Variants in IMMP2L observed in about 807,000 individuals in gnomAD.
IMMP2L encodes mitochondrial inner membrane protease subunit 2.
IMMP2L carries 18 observed loss-of-function variants against 19.3 expected under a neutral mutation model. That is an observed-to-expected ratio of 0.93 (90% CI 0.64 to 1.38). IMMP2L has a LOEUF of 1.38. IMMP2L is among the 40% of genes most tolerant of loss of function. The probability of loss-of-function intolerance (pLI) is 0.00; values close to 1 mark genes in which losing one functional copy is unlikely to be tolerated. For synonymous variants in IMMP2L, 76 were observed against 73.0 expected (o/e 1.04, Z -0.21); for missense variants, 233 against 218.2 (o/e 1.07, Z -0.43).
intron 3 of IMMP2L, among the ~76,000 whole-genome samples, chr7:111,368,924 T>A (rs1013209615): frequency 1.3e-5 from 2 of 151,818 alleles, no homozygotes; most frequent in Non-Finnish European, 2.9e-5. Context: ...TGGTCCTCAT[T>A]TTTTTTAAAT....
intron 5 of IMMP2L, among the ~76,000 whole-genome samples, chr7:110,834,848 C>T (rs1691655616): frequency 6.6e-6 from 1 of 152,146 alleles, no homozygotes; most frequent in Non-Finnish European, 1.5e-5. Context: ...CTCAAACACC[C>T]TGGCCTTTGT....
intron 3 of IMMP2L, among the ~76,000 whole-genome samples, chr7:111,079,911 G>C (rs144472717): frequency 7.9e-5 from 12 of 152,182 alleles, no homozygotes; most frequent in African/African-American, 2.6e-4. Context: ...ACCTGAGCAG[G>C]CATGCTCTTG....
chr7:111,351,141 T>C (rs1336287800), intron 3 of IMMP2L, among the ~76,000 whole-genome samples: 1 of 152,202 alleles, frequency 6.6e-6, no homozygotes, highest in African/African-American at 2.4e-5. Context: ...TTGCATTCTA[T>C]ACCAACCCAT....
rs561874238 is a variant in IMMP2L at position 111,392,006 on chromosome 7, A to T, written c.239+95232T>A. 10 of 702,814 alleles carry T rather than the reference A, an allele frequency of 1.4e-5. No individual in the cohort carries two copies. The South Asian group carries it at 1.5e-4, about 10-fold the overall frequency. 43.5% of individuals were successfully genotyped at this position (702,814 alleles called of 1,614,324 possible). A position where few individuals can be genotyped will look rare whatever the true frequency, so the allele number is the denominator to read the frequency against. ...GTTCAGAAAGTGTCTCCTTGCTTCA[A>T]TGTCCTCTCCTACCTTTGTATATGC... On this transcript the variant is annotated intron_variant, in intron 3 of 5. Transcript: ENST00000405709.
intron 3 of IMMP2L, among the ~76,000 whole-genome samples, chr7:111,480,315 C>T (rs1207438988): frequency 6.6e-6 from 1 of 151,822 alleles, no homozygotes; most frequent in African/African-American, 2.4e-5. Flanking sequence ...CTCCTGACCT[C>T]GTGATCCACC....
intron 3 of IMMP2L, among the ~76,000 whole-genome samples, chr7:111,324,865 G>A (rs1393722335): frequency 6.6e-6 from 1 of 151,636 alleles, no homozygotes; most frequent in African/African-American, 2.4e-5. Context: ...TGAAAATCTA[G>A]GGGAACAACT....
At chr7:111,331,711 A>C (rs1825897022) in intron 3 of IMMP2L, among the ~76,000 whole-genome samples, 1 of 151,910 alleles carries the variant, frequency 6.6e-6, no homozygotes, top group African/African-American at 2.4e-5. Flanking sequence ...TACAATTTTT[A>C]AAAAGATTCA....
At position 110,669,027 on chromosome 7, in the gene IMMP2L, A is replaced by ATG. The variant is rs1157990003; in HGVS notation, c.409-5308_409-5307dup. ...TCTCCAGAGAAACTGAACCAACAGT[A>ATG]TGTGTGTGTGTGTGTGTGTGTGTGC... On this transcript the variant is annotated intron_variant, in intron 5 of 5. Coordinates refer to ENST00000405709, the MANE Select transcript of IMMP2L (RefSeq NM_032549.4). 2.3e-3 allele frequency among the ~76,000 whole-genome samples: 41 copies of ATG among 18,024 alleles called. 1 individual carries two copies. The South Asian group carries it at 0.072, about 32-fold the overall frequency. The allele number at this position is 18,024 out of a possible 152,430, so 11.8% of individuals were successfully genotyped here.
intron 5 of IMMP2L, among the ~76,000 whole-genome samples, chr7:110,867,909 G>A (rs752176818): frequency 3.3e-5 from 5 of 151,746 alleles, no homozygotes; most frequent in Non-Finnish European, 7.4e-5. Flanking sequence ...GACATTTCTC[G>A]GCCTCTCCAT....
intron 3 of IMMP2L, among the ~76,000 whole-genome samples, chr7:111,146,909 T>C (rs1054968442): frequency 1.3e-5 from 2 of 152,120 alleles, no homozygotes; most frequent in African/African-American, 2.4e-5. Context: ...ATTTCTTTCA[T>C]TGGCTCCATC....
intron 3 of IMMP2L, among the ~76,000 whole-genome samples, chr7:111,363,685 A>C (rs1454496452): frequency 6.6e-6 from 1 of 152,030 alleles, no homozygotes; most frequent in African/African-American, 2.4e-5. Flanking sequence ...AGTAGAATTT[A>C]TATAACAAAT....
intron 4 of IMMP2L, among the ~76,000 whole-genome samples, chr7:110,888,123 C>T (rs968278979): frequency 6.6e-6 from 1 of 152,072 alleles, no homozygotes; most frequent in Non-Finnish European, 1.5e-5. Context: ...GAAAAGCCCA[C>T]AGTAAGTTAA....
At chr7:110,773,337 G>A (rs1799162298) in intron 5 of IMMP2L, among the ~76,000 whole-genome samples, 1 of 152,094 alleles carries the variant, frequency 6.6e-6, no homozygotes, top group African/African-American at 2.4e-5. Flanking sequence ...CTCCTAATTG[G>A]CTGAGACACA....
chr7:111,055,739 G>C (rs568120154), intron 3 of IMMP2L, among the ~76,000 whole-genome samples: 3 of 152,344 alleles, frequency 2.0e-5, no homozygotes, highest in Non-Finnish European at 2.9e-5. Flanking sequence ...ATAATGGGTA[G>C]AGGGATGAGG....
intron 3 of IMMP2L, among the ~76,000 whole-genome samples, chr7:111,463,175 C>A (rs1287943337): frequency 6.6e-6 from 1 of 150,774 alleles, no homozygotes; most frequent in Non-Finnish European, 1.5e-5. Context: ...ACATCATCTT[C>A]CGTGTGTGTG....
chr7:111,226,734 C>T (rs1455054449), intron 3 of IMMP2L, among the ~76,000 whole-genome samples: 1 of 151,972 alleles, frequency 6.6e-6, no homozygotes, highest in Non-Finnish European at 1.5e-5. Context: ...ACAACAAAAA[C>T]AAAGTGTTGA....
intron 1 of IMMP2L, among the ~76,000 whole-genome samples, chr7:111,526,501 T>A (rs973039949): frequency 1.3e-5 from 2 of 152,164 alleles, no homozygotes; most frequent in East Asian, 3.9e-4. Context: ...GTATCTGCCC[T>A]AGGAAGTCAC....
At chr7:110,746,603 C>T (rs755661625) in intron 5 of IMMP2L, among the ~76,000 whole-genome samples, 6 of 152,184 alleles carry the variant, frequency 3.9e-5, no homozygotes, top group African/African-American at 1.4e-4. Flanking sequence ...GAAACTCACT[C>T]AAAACTGCAC....
intron 3 of IMMP2L, among the ~76,000 whole-genome samples, chr7:111,346,622 A>C (rs971204186): frequency 6.6e-6 from 1 of 152,238 alleles, no homozygotes; most frequent in East Asian, 1.9e-4. Context: ...GGAAGTATAC[A>C]TGGACAGATA....
Sources: gnomAD v4.1 joint callset for allele counts (sites outside exome capture counted in the v4.1 genomes callset) on GRCh38, gnomAD v4.1.1 for gene constraint, MANE v1.5 for transcripts, NCBI Gene and HGNC (gene_info 2026-07-23, HGNC 2026-07-21) for gene names.